The following UNC80 variants were observed in gnomAD, a reference collection of about 807,000 sequenced individuals.
UNC80 encodes the protein unc-80 subunit of NALCN channel complex, also known as protein unc-80 homolog.
In UNC80, 164 loss-of-function variants were observed where a neutral mutation model predicts 384.6. The observed-to-expected ratio is 0.43, with a 90% CI of 0.38 to 0.49. UNC80 has a LOEUF of 0.49. Ranked by LOEUF, UNC80 falls within the 20% of genes least tolerant of loss-of-function variation. The probability of loss-of-function intolerance (pLI) is 0.00; values close to 1 mark genes in which losing one functional copy is unlikely to be tolerated. For synonymous variants in UNC80, 1,486 were observed against 1,527.8 expected (o/e 0.97, Z 0.64); for missense variants, 3,330 against 4,143.0 (o/e 0.80, Z 5.39).
intron 23 of UNC80, 84 bp downstream of exon 23, chr2:209,873,054 G>A: frequency 3.8e-6 from 5 of 1,303,342 alleles, no homozygotes; most frequent in Non-Finnish European, 5.4e-6. Flanking sequence ...TTGTTTTGAA[G>A]ACAATTTATT....
intron 22 of UNC80, among the ~76,000 whole-genome samples, chr2:209,860,101 C>G (rs919734123): frequency 6.6e-6 from 1 of 151,654 alleles, no homozygotes; most frequent in African/African-American, 2.4e-5. Context: ...TATTTTTTGT[C>G]ATGAAGCCTG....
At chr2:209,867,515 C>T (rs2083936804) in intron 22 of UNC80, among the ~76,000 whole-genome samples, 1 of 152,124 alleles carries the variant, frequency 6.6e-6, no homozygotes, top group Non-Finnish European at 1.5e-5. Flanking sequence ...CCTTTTGTTT[C>T]TCCCCCTCTG....
intron 61 of UNC80, among the ~76,000 whole-genome samples, chr2:209,990,727 C>T (rs2093376287): frequency 6.6e-6 from 1 of 152,146 alleles, no homozygotes; most frequent in African/African-American, 2.4e-5. Context: ...TTTCTGTCTT[C>T]ATGGAAAGGT....
chr2:209,828,338 T>C (rs938536253), intron 14 of UNC80, among the ~76,000 whole-genome samples: 6 of 152,134 alleles, frequency 3.9e-5, no homozygotes, highest in African/African-American at 1.2e-4. Flanking sequence ...ATCTGGAAAC[T>C]TGTAAACTCC....
At chr2:209,840,774 TAAC>T in intron 20 of UNC80, 126 bp downstream of exon 20, 1 of 731,482 alleles carries the variant, frequency 1.4e-6, no homozygotes, top group Non-Finnish European at 2.2e-6. Flanking sequence ...CCAGATGAGC[TAAC>T]TTTGGAAACT....
chr2:209,918,684 G>A (rs769716895), intron 33 of UNC80, 21 bp downstream of exon 33: 55 of 1,531,654 alleles, frequency 3.6e-5, no homozygotes, highest in Admixed American at 4.0e-5. Flanking sequence ...GACACTTCCA[G>A]GTTCCATGGT....
intron 33 of UNC80, among the ~76,000 whole-genome samples, chr2:209,920,919 C>T (rs2089986978): frequency 6.6e-6 from 1 of 152,016 alleles, no homozygotes; most frequent in East Asian, 1.9e-4. Flanking sequence ...CCTCTGCCTC[C>T]TGTGTTCAAG....
At position 209,931,022 on chromosome 2, in the gene UNC80, G is replaced by C; in HGVS notation, c.5962G>C (p.Ala1988Pro). The part of the protein sequence containing the change: ...KLLLNIGDFP[A>P]QTSHILFNYL... ...TCTCTTGAATATTGGAGACTTTCCT[G>C]CTCAGACATCTCACATCCTATTCAA... The change falls in exon 38 of 65, where the codon GCT becomes CCT. Residue 1988 changes from alanine (A) to proline (P), a missense_variant. Around this residue, in one of 8 missense-constraint regions of UNC80, gnomAD observed 1,049 missense variants for 1,488.6 expected, o/e 0.70. Transcript: ENST00000673920. The C allele has an allele frequency of 6.4e-7, 1 of 1,550,488 alleles. No homozygotes were observed. The highest frequency in any genetic ancestry group is 8.7e-7 in the Non-Finnish European group (1 of 1,146,280).
At chr2:209,903,486 A>ATATATATAC (rs1553583072) in intron 28 of UNC80, among the ~76,000 whole-genome samples, 4 of 19,824 alleles carry the variant, frequency 2.0e-4, no homozygotes, top group African/African-American at 5.2e-4. Flanking sequence ...TATATATGTA[A>ATATATATAC]TATATATATT....
At chr2:209,871,237 G>A (rs1182348115) in intron 22 of UNC80, among the ~76,000 whole-genome samples, 1 of 152,082 alleles carries the variant, frequency 6.6e-6, no homozygotes, top group Non-Finnish European at 1.5e-5. Context: ...AGATTTATGG[G>A]AGTATAAATT....
At chr2:209,987,544 C>G (rs2093314257) in intron 61 of UNC80, among the ~76,000 whole-genome samples, 1 of 152,168 alleles carries the variant, frequency 6.6e-6, no homozygotes, top group African/African-American at 2.4e-5. Context: ...GACATGTTTT[C>G]TCTCCAGAAG....
chr2:209,921,765 T>C, intron 34 of UNC80, 79 bp downstream of exon 34: 2 of 1,414,744 alleles, frequency 1.4e-6, no homozygotes, highest in Non-Finnish European at 1.9e-6. Flanking sequence ...TTGACAATTT[T>C]ATGTGACATG....
At chr2:209,993,532 G>T in intron 63 of UNC80, 106 bp downstream of exon 63, 1 of 899,316 alleles carries the variant, frequency 1.1e-6, no homozygotes, top group Non-Finnish European at 1.7e-6. Flanking sequence ...CACACCTTTG[G>T]GGAGGTGCTA....
chr2:209,894,892 AAG>A (rs1413758284), intron 27 of UNC80, among the ~76,000 whole-genome samples: 2 of 152,198 alleles, frequency 1.3e-5, no homozygotes, highest in Non-Finnish European at 2.9e-5. Context: ...TCAGAGAGTA[AAG>A]ATTGTCTAGA....
chr2:209,900,827 AT>A (rs2087315052), intron 28 of UNC80, among the ~76,000 whole-genome samples: 1 of 152,236 alleles, frequency 6.6e-6, no homozygotes, highest in African/African-American at 2.4e-5. Flanking sequence ...GTAATTGCCG[AT>A]ATGGAGAAAG....
intron 47 of UNC80, among the ~76,000 whole-genome samples, chr2:209,953,840 T>G (rs980674928): frequency 1.3e-5 from 2 of 152,204 alleles, no homozygotes; most frequent in African/African-American, 4.8e-5. Context: ...AACCATTTAT[T>G]TGTATATATG....
intron 13 of UNC80, among the ~76,000 whole-genome samples, chr2:209,824,498 C>T (rs2080367429): frequency 6.6e-6 from 1 of 152,100 alleles, no homozygotes; most frequent in African/African-American, 2.4e-5. Context: ...AGCAAACACA[C>T]CCCAGGTCCC....
intron 61 of UNC80, among the ~76,000 whole-genome samples, chr2:209,990,190 T>C (rs2093366681): frequency 6.6e-6 from 1 of 152,206 alleles, no homozygotes; most frequent in East Asian, 1.9e-4. Context: ...CTGAGTAACA[T>C]GCATTTCTTT....
chr2:209,981,389 C>A (rs1265512676), intron 59 of UNC80, among the ~76,000 whole-genome samples: 1 of 152,162 alleles, frequency 6.6e-6, no homozygotes, highest in Non-Finnish European at 1.5e-5. Flanking sequence ...ACCAGCCTGG[C>A]CAACATGATG....
Sources: gnomAD v4.1 joint callset for allele counts (sites outside exome capture counted in the v4.1 genomes callset) on GRCh38, gnomAD v4.1.1 for gene constraint, gnomAD v4.1.1 regional missense constraint, MANE v1.5 for transcripts, NCBI Gene and HGNC (gene_info 2026-07-23, HGNC 2026-07-21) for gene names.